Variants in ZNF257 observed in about 807,000 individuals in gnomAD.
ZNF257 encodes the protein bone marrow zinc finger 4.
ZNF257 carries 12 observed loss-of-function variants against 11.9 expected under a neutral mutation model. The ratio of observed to expected loss-of-function variants is 1.01; its 90% CI spans 0.65 to 1.63. The LOEUF (loss-of-function observed/expected upper bound fraction) is 1.63, where lower values mean the gene tolerates loss of function less well. Among genes scored for constraint, ZNF257 ranks in the 40% most tolerant of loss-of-function variants. ZNF257 has a pLI of 0.00. For synonymous variants in ZNF257, 183 were observed against 222.7 expected (o/e 0.82, Z 1.59); for missense variants, 580 against 665.5 (o/e 0.87, Z 1.41).
chr19:22,082,175 A>G (rs1350983037), intron 3 of ZNF257, among the ~76,000 whole-genome samples: 1 of 152,098 alleles, frequency 6.6e-6, no homozygotes, highest in Non-Finnish European at 1.5e-5. Context: ...GCAGATTTAT[A>G]TTTTGTTTTT....
At chr19:22,066,086 T>C (rs914773971) in intron 1 of ZNF257, 1 of 152,438 alleles carries the variant, frequency 6.6e-6, no homozygotes, top group Admixed American at 6.5e-5. Flanking sequence ...TAAGATGCTT[T>C]TAACTTCTTT....
At chr19:22,054,914 CTTTTTTTT>C (rs58547883) in intron 1 of ZNF257, among the ~76,000 whole-genome samples, 2 of 110,630 alleles carry the variant, frequency 1.8e-5, no homozygotes, top group South Asian at 2.9e-4. Flanking sequence ...GCTACTGGGT[CTTTTTTTT>C]TTTTTTTTTT....
chr19:22,087,078 C>A (rs1425161943), intron 3 of ZNF257, among the ~76,000 whole-genome samples: 4 of 151,054 alleles, frequency 2.6e-5, no homozygotes, highest in African/African-American at 9.7e-5. Context: ...GTCTGTGCTC[C>A]TTTTACTCAT....
At chr19:22,087,206 A>T (rs1454238103) in intron 3 of ZNF257, among the ~76,000 whole-genome samples, 1 of 151,550 alleles carries the variant, frequency 6.6e-6, no homozygotes, top group Non-Finnish European at 1.5e-5. Flanking sequence ...TTTTGTACAC[A>T]TTGTAATCTT....
chr19:22,086,593 A>G (rs1315086906), intron 3 of ZNF257, among the ~76,000 whole-genome samples: 1 of 151,910 alleles, frequency 6.6e-6, no homozygotes, highest in Non-Finnish European at 1.5e-5. Flanking sequence ...TCTTTGATCT[A>G]TATAGGCCAT....
chr19:22,078,569 G>A (rs959728917), intron 3 of ZNF257, among the ~76,000 whole-genome samples: 1 of 152,004 alleles, frequency 6.6e-6, no homozygotes, highest in African/African-American at 2.4e-5. Flanking sequence ...AAATTTTGAA[G>A]GATAGTGCAG....
At chr19:22,085,791 A>C (rs545917158) in intron 3 of ZNF257, among the ~76,000 whole-genome samples, 1 of 151,880 alleles carries the variant, frequency 6.6e-6, no homozygotes, top group South Asian at 2.1e-4. Flanking sequence ...TGTCTTTTTG[A>C]GTTTTGACTT....
At chr19:22,069,425 C>T (rs2022042771) in intron 1 of ZNF257, among the ~76,000 whole-genome samples, 1 of 151,872 alleles carries the variant, frequency 6.6e-6, no homozygotes. Flanking sequence ...CCAGCCTGGC[C>T]AACATGGTGA....
chr19:22,062,616 G>A (rs2145690717), intron 1 of ZNF257, among the ~76,000 whole-genome samples: 1 of 151,888 alleles, frequency 6.6e-6, no homozygotes, highest in Admixed American at 6.6e-5. Context: ...TCAAGTAGCT[G>A]GGATTACAGG....
At chr19:22,066,432 G>A (rs1466099479) in intron 1 of ZNF257, 1 of 153,292 alleles carries the variant, frequency 6.5e-6, no homozygotes, top group Non-Finnish European at 1.4e-5. Context: ...GGCAGTTTGG[G>A]TTCACATAAG....
intron 3 of ZNF257, among the ~76,000 whole-genome samples, chr19:22,084,139 T>TC (rs2022421213): frequency 8.1e-6 from 1 of 123,136 alleles, no homozygotes; most frequent in Non-Finnish European, 1.6e-5. Flanking sequence ...AGACTTCATC[T>TC]CAAAAAAAAA....
At chr19:22,066,991 A>G (rs1452592464) in intron 1 of ZNF257, among the ~76,000 whole-genome samples, 3 of 151,758 alleles carry the variant, frequency 2.0e-5, no homozygotes, top group African/African-American at 7.3e-5. Flanking sequence ...TATTCCAGAC[A>G]CTGTCTAGAA....
intron 3 of ZNF257, among the ~76,000 whole-genome samples, chr19:22,087,306 T>C (rs902843092): frequency 7.2e-5 from 11 of 152,074 alleles, no homozygotes; most frequent in Non-Finnish European, 4.4e-5. Context: ...CCAGTTGTCA[T>C]GGCTAGACAT....
chr19:22,057,977 G>A (rs1310198292), intron 1 of ZNF257, among the ~76,000 whole-genome samples: 1 of 152,146 alleles, frequency 6.6e-6, no homozygotes, highest in African/African-American at 2.4e-5. Flanking sequence ...GGCCAGGCTG[G>A]TCTTGAACTC....
Position 22,089,054 on chromosome 19 carries a change from A to G in ZNF257, c.1304A>G (p.Glu435Gly). Residue 435 changes from glutamate to glycine, a missense_variant, in exon 4 of 4, where the codon GAG becomes GGG. Coordinates refer to ENST00000594947, the MANE Select transcript of ZNF257 (RefSeq NM_033468.4). ...GGAGAGAAACCCTACAAATGTGAAG[A>G]GTGTGGCAAAGCCTTTAACCGGTCT... Reference protein sequence around the residue: ...HTGEKPYKCEECGKAFNRSSY... With the variant: ...HTGEKPYKCEGCGKAFNRSSY... The G allele has an allele frequency of 6.2e-7, 1 of 1,613,820 alleles. No homozygotes were observed. Among genetic ancestry groups the G allele is most frequent in the Non-Finnish European group, 8.5e-7 (1 of 1,179,860 alleles).
At position 22,089,553 on chromosome 19, in the gene ZNF257, C is replaced by T. The variant is rs956582753; in HGVS notation, c.*111C>T. ...AGAGAAACCCTACAAATGTGAAGAA[C>T]GTGGCCTGGCTTTTAACAAATCCTC... On this transcript the variant is annotated 3_prime_UTR_variant, in exon 4 of 4. Transcript: ENST00000594947. 4.0e-5 allele frequency: 59 copies of T among 1,481,278 alleles called. No homozygotes were observed. In the African/African-American group the frequency reaches 5.4e-4, roughly 14 times the overall value. 91.8% of individuals were successfully genotyped at this position (1,481,278 alleles called of 1,614,324 possible). A position where few individuals can be genotyped will look rare whatever the true frequency, so the allele number is the denominator to read the frequency against.
chr19:22,089,706 C>A lies in ZNF257; in HGVS notation c.*264C>A. 4 of 775,474 alleles carry A rather than the reference C, an allele frequency of 5.2e-6. No individual in the cohort carries two copies. The highest frequency in any genetic ancestry group is 7.5e-6 in the Non-Finnish European group (4 of 536,294). The allele number at this position is 775,474 out of a possible 1,614,324, so 48.0% of individuals were successfully genotyped here. On this transcript the variant is annotated 3_prime_UTR_variant, in exon 4 of 4. Coordinates refer to ENST00000594947, the MANE Select transcript of ZNF257 (RefSeq NM_033468.4). ...GAACACATGTGGAAGATAAAGCCTA[C>A]AAATATGAAGAATGTGACAAGGCCT...
intron 1 of ZNF257, among the ~76,000 whole-genome samples, chr19:22,053,233 T>G (rs143588053): frequency 0.018 from 2,692 of 151,910 alleles, 75 homozygotes; most frequent in African/African-American, 0.061. Context: ...GCGGGCGTGG[T>G]GGCATGTGCC....
At chr19:22,084,576 G>A (rs1453912622) in intron 3 of ZNF257, among the ~76,000 whole-genome samples, 1 of 151,866 alleles carries the variant, frequency 6.6e-6, no homozygotes, top group African/African-American at 2.4e-5. Flanking sequence ...ACATTAAACA[G>A]TATAAACATC....
Sources: allele counts gnomAD v4.1 joint callset (sites outside exome capture counted in the v4.1 genomes callset), GRCh38; gene constraint gnomAD v4.1.1; transcripts MANE v1.5; gene names NCBI Gene and HGNC (gene_info 2026-07-23, HGNC 2026-07-21).